CNTNAP4: variants seen among roughly 807,000 people sequenced by gnomAD.
The protein encoded by CNTNAP4 is contactin-associated protein-like 4.
CNTNAP4 carries 98 observed loss-of-function variants against 148.4 expected under a neutral mutation model. That is an observed-to-expected ratio of 0.66 (90% CI 0.56 to 0.78). The LOEUF (loss-of-function observed/expected upper bound fraction) is 0.78. Ranked by LOEUF, CNTNAP4 falls within the 30% of genes least tolerant of loss-of-function variation. CNTNAP4 has a pLI of 0.00. For synonymous variants in CNTNAP4, 730 were observed against 565.1 expected, an observed-to-expected ratio of 1.29 and a Z score of -4.14; for missense variants, 1,935 against 1,565.6, an observed-to-expected ratio of 1.24 and a Z score of -3.98.
chr16:76,314,253 C>T (rs1961462007), intron 1 of CNTNAP4, among the ~76,000 whole-genome samples: 1 of 152,126 alleles, frequency 6.6e-6, no homozygotes, highest in Non-Finnish European at 1.5e-5. Flanking sequence ...ACAAAGGGAT[C>T]CCAATCCAGA....
intron 1 of CNTNAP4, among the ~76,000 whole-genome samples, chr16:76,293,870 T>C (rs182202511): frequency 6.6e-6 from 1 of 151,574 alleles, no homozygotes. Context: ...CGTGACTGAA[T>C]GTAGCATTTT....
chr16:76,296,055 C>T lies in CNTNAP4; in HGVS notation c.85+18308C>T, dbSNP rs529049525. On this transcript the variant is annotated intron_variant, in intron 1 of 23. Coordinates refer to ENST00000611870, the MANE Select transcript of CNTNAP4 (RefSeq NM_033401.5). ...CTTCCTAAACTTCTCTACAAAGGAT[C>T]GTATTTAAAAGCTTTTTTGAGATTG... Among the ~76,000 whole-genome samples, 387 of 152,170 alleles carry T rather than the reference C, an allele frequency of 2.5e-3. 1 individual carries two copies. The highest frequency in any genetic ancestry group is 2.9e-3 in the Admixed American group (45 of 15,282).
chr16:76,300,109 C>T (rs894657349), intron 1 of CNTNAP4, among the ~76,000 whole-genome samples: 2 of 152,010 alleles, frequency 1.3e-5, no homozygotes, highest in African/African-American at 4.8e-5. Flanking sequence ...CAAACCTGCA[C>T]GTTGTGCACA....
chr16:76,499,273 C>T (rs1805243869), intron 15 of CNTNAP4, among the ~76,000 whole-genome samples: 1 of 151,966 alleles, frequency 6.6e-6, no homozygotes, highest in African/African-American at 2.4e-5. Flanking sequence ...TCAGAGTAGA[C>T]ACATTTATTT....
chr16:76,538,458 G>GT, intron 19 of CNTNAP4, 118 bp downstream of exon 19: 1 of 704,934 alleles, frequency 1.4e-6, no homozygotes. Flanking sequence ...GAGTGTGCCT[G>GT]TTTTTTGTAG....
intron 21 of CNTNAP4, among the ~76,000 whole-genome samples, chr16:76,541,869 A>G (rs193072707): frequency 9.5e-4 from 144 of 152,346 alleles, no homozygotes; most frequent in African/African-American, 3.3e-3. Context: ...AGAAAAAAAT[A>G]TGTGCAAAGT....
intron 17 of CNTNAP4, among the ~76,000 whole-genome samples, chr16:76,528,621 G>T (rs1407305916): frequency 1.3e-5 from 2 of 152,140 alleles, no homozygotes; most frequent in Non-Finnish European, 2.9e-5. Context: ...GAGACCACGT[G>T]AAAGAATCCA....
intron 1 of CNTNAP4, among the ~76,000 whole-genome samples, chr16:76,306,152 C>G (rs549897751): frequency 5.9e-5 from 9 of 152,218 alleles, no homozygotes; most frequent in East Asian, 1.9e-4. Flanking sequence ...GTATAAAGGT[C>G]TAGTTGTCCT....
chr16:76,361,078 C>G (rs1037856950), intron 3 of CNTNAP4, among the ~76,000 whole-genome samples: 1 of 152,034 alleles, frequency 6.6e-6, no homozygotes, highest in Non-Finnish European at 1.5e-5. Context: ...CTGCCTCAAC[C>G]TCCCAAAGTG....
chr16:76,500,790 T>C (rs1443974708), intron 15 of CNTNAP4, among the ~76,000 whole-genome samples: 7 of 151,262 alleles, frequency 4.6e-5, no homozygotes, highest in Admixed American at 4.6e-4. Flanking sequence ...TATATATATT[T>C]TCTTTGATCA....
At chr16:76,406,265 G>A (rs28720867) in intron 3 of CNTNAP4, among the ~76,000 whole-genome samples, 3,996 of 151,970 alleles carry the variant, frequency 0.026, 130 homozygotes, top group African/African-American at 0.081. Context: ...GTAATATCAC[G>A]CCACAAACCA....
intron 17 of CNTNAP4, 103 bp downstream of exon 17, chr16:76,522,360 G>A: frequency 3.1e-6 from 3 of 956,030 alleles, no homozygotes; most frequent in South Asian, 1.6e-5. Flanking sequence ...ATAACAACAA[G>A]CAATAATAAC....
At chr16:76,356,319 AT>A (rs2012643466) in intron 3 of CNTNAP4, among the ~76,000 whole-genome samples, 1 of 151,886 alleles carries the variant, frequency 6.6e-6, no homozygotes. Context: ...ATGTATATGC[AT>A]ACACATGTAC....
At chr16:76,515,612 A>T (rs1301037396) in intron 15 of CNTNAP4, among the ~76,000 whole-genome samples, 1 of 152,172 alleles carries the variant, frequency 6.6e-6, no homozygotes, top group Non-Finnish European at 1.5e-5. Context: ...CTGACCTGTG[A>T]GATTTTGTTA....
intron 1 of CNTNAP4, among the ~76,000 whole-genome samples, chr16:76,281,334 A>G (rs1958680429): frequency 6.6e-6 from 1 of 152,232 alleles, no homozygotes; most frequent in Middle Eastern, 3.4e-3. Flanking sequence ...GCTAGCCCCT[A>G]TAAAGATCAG....
chr16:76,377,045 A>C lies in CNTNAP4; in HGVS notation c.390+21534A>C, dbSNP rs542467654. Among the ~76,000 whole-genome samples the C allele has an allele frequency of 2.0e-5, 3 of 152,090 alleles. No individual in the cohort carries two copies. In the East Asian group the frequency reaches 5.8e-4, roughly 30 times the overall value. On this transcript the variant is annotated intron_variant, in intron 3 of 23. Transcript: ENST00000611870. ...GCAATCGACAGGCTTGGCAAGTCCA[A>C]AATCTGCAGGGTAGGCTGGCAGGCT...
At chr16:76,414,715 C>T (rs929215377) in intron 3 of CNTNAP4, among the ~76,000 whole-genome samples, 10 of 151,308 alleles carry the variant, frequency 6.6e-5, no homozygotes, top group African/African-American at 2.4e-4. Context: ...GTGGGCAGTT[C>T]AGGTTTTCCT....
At chr16:76,411,038 C>G (rs896675502) in intron 3 of CNTNAP4, among the ~76,000 whole-genome samples, 17 of 151,290 alleles carry the variant, frequency 1.1e-4, no homozygotes, top group African/African-American at 3.4e-4. Flanking sequence ...TAATGTACAT[C>G]CATACATACA....
chr16:76,492,873 A>T (rs1421346955), intron 13 of CNTNAP4, among the ~76,000 whole-genome samples: 1 of 151,942 alleles, frequency 6.6e-6, no homozygotes, highest in Non-Finnish European at 1.5e-5. Flanking sequence ...TGTTAGCAGC[A>T]TGAAGGCAGA....
Sources: allele counts gnomAD v4.1 joint callset (sites outside exome capture counted in the v4.1 genomes callset), GRCh38; gene constraint gnomAD v4.1.1; transcripts MANE v1.5; gene names NCBI Gene and HGNC (gene_info 2026-07-23, HGNC 2026-07-21).